DNM3: variants seen among roughly 807,000 people sequenced by gnomAD.
The protein encoded by DNM3 is dynamin 3.
In DNM3, 47 loss-of-function variants were observed where a neutral mutation model predicts 101.6. The observed-to-expected ratio is 0.46, with a 90% CI of 0.37 to 0.59. The LOEUF (loss-of-function observed/expected upper bound fraction) is 0.59. Ranked by LOEUF, DNM3 falls within the 20% of genes least tolerant of loss-of-function variation. The probability of loss-of-function intolerance (pLI) is 0.00; values close to 1 mark genes in which losing one functional copy is unlikely to be tolerated. For synonymous variants in DNM3, 385 were observed against 387.9 expected, an observed-to-expected ratio of 0.99 and a Z score of 0.09; for missense variants, 849 against 1,085.7, an observed-to-expected ratio of 0.78 and a Z score of 3.06.
At chr1:171,844,301 G>A (rs920156554) in intron 1 of DNM3, among the ~76,000 whole-genome samples, 11 of 152,110 alleles carry the variant, frequency 7.2e-5, no homozygotes, top group Non-Finnish European at 1.3e-4. Flanking sequence ...TCTTTTACAC[G>A]AAACAGTTTT....
rs1171006336 is a variant in DNM3, at chr1:172,033,115, G to T, written c.699G>T (p.Gly233=). 2 of 1,612,092 alleles carry T rather than the reference G, an allele frequency of 1.2e-6. No individual in the cohort carries two copies. The highest frequency in any genetic ancestry group is 2.2e-5 in the East Asian group (1 of 44,828). Residue 233 remains glycine, a synonymous_variant, in exon 6 of 21, where the codon GGG becomes GGT. Coordinates refer to ENST00000627582, the MANE Select transcript of DNM3 (RefSeq NM_015569.5). Reference sequence around the variant, plus strand: ...TGTGTTTTGTTTCAGGTTACGTGGGGGTGGTAAACAGAAGCCAGAAGGACA... The same window carrying T: ...TGTGTTTTGTTTCAGGTTACGTGGGTGTGGTAAACAGAAGCCAGAAGGACA... ...KLLPLRRGYV[G]VVNRSQKDID...
chr1:171,881,852 T>C (rs1217168074), intron 1 of DNM3, among the ~76,000 whole-genome samples: 1 of 152,216 alleles, frequency 6.6e-6, no homozygotes, highest in Non-Finnish European at 1.5e-5. Context: ...CTCAGTTTAC[T>C]TAAGGAGAGG....
At chr1:172,195,492 C>T (rs1341198280) in intron 14 of DNM3, among the ~76,000 whole-genome samples, 1 of 151,798 alleles carries the variant, frequency 6.6e-6, no homozygotes, top group Non-Finnish European at 1.5e-5. Context: ...GACATCCTTG[C>T]CCTCTTCCTC....
intron 2 of DNM3, among the ~76,000 whole-genome samples, chr1:171,944,958 G>T (rs1365386273): frequency 3.4e-5 from 5 of 144,980 alleles, no homozygotes; most frequent in Non-Finnish European, 7.5e-5. Flanking sequence ...TGACCTTCTG[G>T]GCTCAGGTGA....
chr1:172,362,706 A>T (rs908030981), intron 17 of DNM3, among the ~76,000 whole-genome samples: 1 of 151,734 alleles, frequency 6.6e-6, no homozygotes, highest in Non-Finnish European at 1.5e-5. Context: ...AGTATGACTT[A>T]TACTTTCTTT....
At chr1:172,195,103 T>C (rs2059899885) in intron 14 of DNM3, among the ~76,000 whole-genome samples, 1 of 152,118 alleles carries the variant, frequency 6.6e-6, no homozygotes, top group African/African-American at 2.4e-5. Context: ...AAGGATTTTA[T>C]TTCTCCATCA....
chr1:172,318,197 T>C (rs1443176684), intron 16 of DNM3, among the ~76,000 whole-genome samples: 1 of 152,214 alleles, frequency 6.6e-6, no homozygotes, highest in Non-Finnish European at 1.5e-5. Flanking sequence ...CCCTTCAGGC[T>C]ATAAACTCTC....
intron 1 of DNM3, among the ~76,000 whole-genome samples, chr1:171,896,213 T>C (rs1571477344): frequency 6.6e-6 from 1 of 152,246 alleles, no homozygotes; most frequent in Non-Finnish European, 1.5e-5. Flanking sequence ...GCATTGAATC[T>C]ATAAATTACC....
intron 17 of DNM3, among the ~76,000 whole-genome samples, chr1:172,370,844 G>C (rs1373120623): frequency 6.6e-6 from 1 of 151,892 alleles, no homozygotes; most frequent in African/African-American, 2.4e-5. Context: ...ATATGTGAAG[G>C]CATTTGAAAA....
At chr1:172,029,656 C>A (rs2048462034) in intron 4 of DNM3, among the ~76,000 whole-genome samples, 1 of 151,994 alleles carries the variant, frequency 6.6e-6, no homozygotes, top group Non-Finnish European at 1.5e-5. Context: ...TTTAGAAAAC[C>A]CCATCGTCTC....
At chr1:171,872,581 G>A (rs1391660095) in intron 1 of DNM3, among the ~76,000 whole-genome samples, 3 of 152,190 alleles carry the variant, frequency 2.0e-5, no homozygotes, top group African/African-American at 7.2e-5. Flanking sequence ...AAGTCAGGAT[G>A]TTAGTAATGA....
chr1:172,312,399 G>A (rs1441370411), intron 16 of DNM3, among the ~76,000 whole-genome samples: 1 of 152,182 alleles, frequency 6.6e-6, no homozygotes, highest in East Asian at 1.9e-4. Flanking sequence ...TAAAAATTGT[G>A]TAAGTTTGAC....
In DNM3 at chr1:172,029,069, A is replaced by G. The variant is rs1197693548; in HGVS notation, c.590-3333A>G. Among the ~76,000 whole-genome samples the G allele has an allele frequency of 2.6e-5, 4 of 152,372 alleles. No individual in the cohort carries two copies. The East Asian group carries it at 7.7e-4, about 29-fold the overall frequency. ...CCCTAACTCATTTTATGAGGCCAGC[A>G]TCATCCTGATACCAAAACCTGGTGG... On this transcript the variant is annotated intron_variant, in intron 4 of 20. Coordinates refer to ENST00000627582, the MANE Select transcript of DNM3 (RefSeq NM_015569.5).
intron 17 of DNM3, among the ~76,000 whole-genome samples, chr1:172,368,381 G>A (rs916186313): frequency 3.3e-5 from 5 of 151,606 alleles, no homozygotes; most frequent in African/African-American, 1.2e-4. Context: ...CAACCAAAGG[G>A]TAAATTAAGA....
intron 11 of DNM3, among the ~76,000 whole-genome samples, chr1:172,078,435 T>G (rs567600937): frequency 1.2e-3 from 179 of 152,038 alleles, no homozygotes; most frequent in African/African-American, 4.2e-3. Flanking sequence ...CAACTAGGAT[T>G]GCAACCCTGC....
chr1:172,120,360 T>C (rs1243770311), intron 13 of DNM3, among the ~76,000 whole-genome samples: 2 of 152,024 alleles, frequency 1.3e-5, no homozygotes, highest in Non-Finnish European at 2.9e-5. Flanking sequence ...TTCAATTACC[T>C]CCCACTGAGT....
chr1:172,255,706 C>A (rs1056161336), intron 15 of DNM3, among the ~76,000 whole-genome samples: 1 of 152,102 alleles, frequency 6.6e-6, no homozygotes, highest in Admixed American at 6.6e-5. Flanking sequence ...TGGCCATTGT[C>A]TTCTCCTTTG....
rs10683483 is a variant in DNM3 at position 172,359,125 on chromosome 1, AAC to A, written c.1894-19857_1894-19856del. On this transcript the variant is annotated intron_variant, in intron 17 of 20. Coordinates refer to ENST00000627582, the MANE Select transcript of DNM3 (RefSeq NM_015569.5). ...ATGGGCATCTGAACAACTCCCACAA[AAC>A]ACACACACACACACACACACACACA... 3.0e-3 allele frequency among the ~76,000 whole-genome samples: 438 copies of A among 145,808 alleles called. 3 individuals carry two copies. Among genetic ancestry groups the A allele is most frequent in the African/African-American group, 8.2e-3 (329 of 39,920 alleles).
intron 18 of DNM3, 134 bp downstream of exon 18, chr1:172,379,316 AGACGTGATATGT>A: frequency 1.2e-6 from 1 of 842,782 alleles, no homozygotes; most frequent in East Asian, 2.8e-5. Flanking sequence ...ATTTTCCATT[AGACGTGATATGT>A]GACTGACCAG....
Sources: allele counts gnomAD v4.1 joint callset (sites outside exome capture counted in the v4.1 genomes callset), GRCh38; gene constraint gnomAD v4.1.1; transcripts MANE v1.5; gene names NCBI Gene and HGNC (gene_info 2026-07-23, HGNC 2026-07-21).